MLLT3: variants seen among roughly 807,000 people sequenced by gnomAD.
The protein encoded by MLLT3 is protein AF-9.
A neutral mutation model predicts 53.2 loss-of-function variants in MLLT3; 4 were observed. The observed-to-expected ratio is 0.08, with a 90% CI of 0.04 to 0.17. The LOEUF (loss-of-function observed/expected upper bound fraction) is 0.17. Among genes scored for constraint, MLLT3 ranks in the 10% least tolerant of loss-of-function variants. The pLI is 1.00. For missense variants in MLLT3, 569 were observed against 684.0 expected, an observed-to-expected ratio of 0.83 and a Z score of 1.87; for synonymous variants, 283 against 230.6, an observed-to-expected ratio of 1.23 and a Z score of -2.06.
At chr9:20,453,346 A>G (rs549468215) in intron 3 of MLLT3, among the ~76,000 whole-genome samples, 1 of 152,268 alleles carries the variant, frequency 6.6e-6, no homozygotes, top group Non-Finnish European at 1.5e-5. Context: ...AGATCACTTG[A>G]GCCCAGGAGC....
intron 10 of MLLT3, among the ~76,000 whole-genome samples, chr9:20,348,009 C>T (rs1477605784): frequency 6.6e-6 from 1 of 152,122 alleles, no homozygotes; most frequent in Non-Finnish European, 1.5e-5. Flanking sequence ...AATGTGCTCC[C>T]CATTCCTGAC....
chr9:20,370,865 T>C (rs117002604), intron 5 of MLLT3, among the ~76,000 whole-genome samples: 2,252 of 152,286 alleles, frequency 0.015, 29 homozygotes, highest in Non-Finnish European at 0.02. Flanking sequence ...GAGAAAGGCA[T>C]GTCAAGAGGT....
intron 2 of MLLT3, among the ~76,000 whole-genome samples, chr9:20,499,222 G>T (rs1825157765): frequency 6.6e-6 from 1 of 152,168 alleles, no homozygotes; most frequent in Non-Finnish European, 1.5e-5. Context: ...AATCCATGAT[G>T]ACCTCATCCT....
chr9:20,526,181 A>C (rs1229695850), intron 2 of MLLT3, among the ~76,000 whole-genome samples: 1 of 152,224 alleles, frequency 6.6e-6, no homozygotes, highest in Non-Finnish European at 1.5e-5. Context: ...AACTTTTTTA[A>C]AAAGTAAGCT....
chr9:20,559,320 T>C (rs1413196633), intron 2 of MLLT3, among the ~76,000 whole-genome samples: 3 of 152,188 alleles, frequency 2.0e-5, no homozygotes, highest in Admixed American at 2.0e-4. Context: ...TAACTTTTGC[T>C]ATTAAAAGGA....
At chr9:20,507,859 T>C (rs560088451) in intron 2 of MLLT3, among the ~76,000 whole-genome samples, 1 of 151,150 alleles carries the variant, frequency 6.6e-6, no homozygotes, top group Admixed American at 6.6e-5. Context: ...CTCTTCACAA[T>C]AAGAATCTAT....
rs368688679 is a variant in MLLT3 at position 20,438,394 on chromosome 9, G to C, written c.420+9729C>G. On this transcript the variant is annotated intron_variant, in intron 4 of 10. Coordinates refer to ENST00000380338, the MANE Select transcript of MLLT3 (RefSeq NM_004529.4). ...GCTCCTTGGGCTGGGGTGTTATAGAGTGGGGAGAGGTAGCAGCACTTTACT... is the reference window on the plus strand; with the variant it reads ...GCTCCTTGGGCTGGGGTGTTATAGACTGGGGAGAGGTAGCAGCACTTTACT... Among the ~76,000 whole-genome samples the C allele has an allele frequency of 4.6e-5, 7 of 152,098 alleles. No individual in the cohort carries two copies. In the East Asian group the frequency reaches 9.7e-4, roughly 21 times the overall value.
chr9:20,478,163 G>A (rs191050690), intron 2 of MLLT3, among the ~76,000 whole-genome samples: 4 of 152,220 alleles, frequency 2.6e-5, no homozygotes, highest in East Asian at 3.9e-4. Context: ...ACAGATTCTC[G>A]GTGGACTGGC....
rs745499443 is a variant in MLLT3 at position 20,353,642 on chromosome 9, T to A, written c.1504-46A>T. The A allele has an allele frequency of 2.7e-6, 4 of 1,492,422 alleles. No homozygotes were observed. In the African/African-American group the frequency reaches 5.5e-5, roughly 21 times the overall value. 92.4% of individuals were successfully genotyped at this position (1,492,422 alleles called of 1,614,324 possible). ...CGAAAAGGACAAGCACTTTAAGTAGTAGTTCAAAAATAAATGAATATGTAA... is the reference window on the plus strand; with the variant it reads ...CGAAAAGGACAAGCACTTTAAGTAGAAGTTCAAAAATAAATGAATATGTAA... On this transcript the variant is annotated intron_variant, in intron 9 of 10. Coordinates refer to ENST00000380338, the MANE Select transcript of MLLT3 (RefSeq NM_004529.4).
At chr9:20,562,646 C>T (rs1341575805) in intron 2 of MLLT3, among the ~76,000 whole-genome samples, 3 of 152,092 alleles carry the variant, frequency 2.0e-5, no homozygotes. Context: ...AATCATTTCC[C>T]AGATACATGT....
intron 6 of MLLT3, among the ~76,000 whole-genome samples, chr9:20,364,784 G>C (rs1339042909): frequency 6.6e-6 from 1 of 151,952 alleles, no homozygotes; most frequent in African/African-American, 2.4e-5. Context: ...CATTGAAAAA[G>C]GTAATGTTCA....
At chr9:20,549,289 A>G (rs536651606) in intron 2 of MLLT3, among the ~76,000 whole-genome samples, 148 of 152,320 alleles carry the variant, frequency 9.7e-4, no homozygotes, top group South Asian at 3.5e-3. Flanking sequence ...CACTGGACAC[A>G]AAGATAAAAA....
intron 2 of MLLT3, among the ~76,000 whole-genome samples, chr9:20,585,607 A>G (rs1819935115): frequency 6.6e-6 from 1 of 152,138 alleles, no homozygotes; most frequent in Admixed American, 6.5e-5. Flanking sequence ...CACCATTCTA[A>G]TGGTATGTAG....
At chr9:20,412,123 T>C (rs887455842) in intron 5 of MLLT3, among the ~76,000 whole-genome samples, 5 of 152,166 alleles carry the variant, frequency 3.3e-5, no homozygotes, top group Non-Finnish European at 7.4e-5. Context: ...TGTGTTAGAA[T>C]ATAAAATGGC....
chr9:20,486,066 C>T (rs922609177), intron 2 of MLLT3, among the ~76,000 whole-genome samples: 1 of 152,100 alleles, frequency 6.6e-6, no homozygotes, highest in Non-Finnish European at 1.5e-5. Context: ...CACTCACACA[C>T]GTTATAGTCA....
chr9:20,438,677 C>T (rs1035418327), intron 4 of MLLT3, among the ~76,000 whole-genome samples: 5 of 152,080 alleles, frequency 3.3e-5, no homozygotes, highest in Admixed American at 3.3e-4. Context: ...TCAAGTGATC[C>T]TCCTGCCCCA....
At chr9:20,454,008 T>C (rs1157920318) in intron 3 of MLLT3, among the ~76,000 whole-genome samples, 1 of 152,184 alleles carries the variant, frequency 6.6e-6, no homozygotes, top group Non-Finnish European at 1.5e-5. Flanking sequence ...AATAAGCTAA[T>C]CTATATACTA....
chr9:20,367,913 C>G (rs1821499432), intron 5 of MLLT3, among the ~76,000 whole-genome samples: 1 of 152,196 alleles, frequency 6.6e-6, no homozygotes, highest in South Asian at 2.1e-4. Flanking sequence ...TAGCACCAGG[C>G]TCTACCAACT....
At chr9:20,602,804 T>C (rs915110321) in intron 2 of MLLT3, among the ~76,000 whole-genome samples, 2 of 137,890 alleles carry the variant, frequency 1.5e-5, no homozygotes, top group South Asian at 2.3e-4. Context: ...ACACAGCATA[T>C]GCACACATAT....
Sources: allele counts gnomAD v4.1 joint callset (sites outside exome capture counted in the v4.1 genomes callset), GRCh38; gene constraint gnomAD v4.1.1; transcripts MANE v1.5; gene names NCBI Gene and HGNC (gene_info 2026-07-23, HGNC 2026-07-21).